The following RIT2 variants were observed in gnomAD, a reference collection of about 807,000 sequenced individuals.
RIT2 encodes the protein GTP-binding protein Rit2.
In RIT2, 24 loss-of-function variants were observed where a neutral mutation model predicts 23.7. The ratio of observed to expected loss-of-function variants is 1.01; its 90% CI spans 0.73 to 1.43. RIT2 has a LOEUF of 1.43. Ranked by LOEUF, RIT2 falls within the 40% of genes most tolerant of loss-of-function variation. The pLI, the probability that RIT2 is intolerant of heterozygous loss-of-function variation, is 0.00. For synonymous variants in RIT2, 107 were observed against 91.1 expected, an observed-to-expected ratio of 1.17 and a Z score of -0.99; for missense variants, 236 against 266.9, an observed-to-expected ratio of 0.88 and a Z score of 0.81.
At chr18:43,105,827 T>C (rs1040854714) in intron 1 of RIT2, among the ~76,000 whole-genome samples, 1 of 152,202 alleles carries the variant, frequency 6.6e-6, no homozygotes, top group Non-Finnish European at 1.5e-5. Context: ...ATTTTACAGA[T>C]GAGAAAAGAC....
intron 4 of RIT2, among the ~76,000 whole-genome samples, chr18:42,774,028 C>T (rs1436941442): frequency 6.6e-6 from 1 of 152,164 alleles, no homozygotes; most frequent in African/African-American, 2.4e-5. Context: ...ATGGAATTCA[C>T]AGTTTTACCA....
At chr18:42,994,361 C>G (rs1266465507) in intron 2 of RIT2, among the ~76,000 whole-genome samples, 1 of 152,172 alleles carries the variant, frequency 6.6e-6, no homozygotes, top group Non-Finnish European at 1.5e-5. Context: ...TCGTGTCCGA[C>G]TGATCTCTCA....
chr18:42,827,590 CAA>C, intron 4 of RIT2, among the ~76,000 whole-genome samples: 1 of 151,734 alleles, frequency 6.6e-6, no homozygotes, highest in East Asian at 1.9e-4. Context: ...AACTCACACA[CAA>C]ATCAGTAAGA....
intron 4 of RIT2, among the ~76,000 whole-genome samples, chr18:42,796,681 A>T (rs573278111): frequency 2.0e-4 from 30 of 152,196 alleles, no homozygotes; most frequent in Admixed American, 1.4e-3. Context: ...TGTATTTGGA[A>T]TTGAGCCCAC....
In RIT2 at chr18:43,077,621, T is replaced by C. The variant is rs1323538089; in HGVS notation, c.103+37796A>G. ...TAAGCACTAACTGGCTTTACGGCTA[T>C]GATGATTCATGTAACATCTTTCAAA... On this transcript the variant is annotated intron_variant, in intron 1 of 4. Coordinates refer to ENST00000326695, the MANE Select transcript of RIT2 (RefSeq NM_002930.4). Among the ~76,000 whole-genome samples the C allele has an allele frequency of 3.3e-5, 5 of 152,320 alleles. No homozygotes were observed. In the Middle Eastern group the frequency reaches 0.014, roughly 414 times the overall value.
chr18:43,064,083 C>A lies in RIT2; in HGVS notation c.104-30216G>T, dbSNP rs376655848. On this transcript the variant is annotated intron_variant, in intron 1 of 4. Transcript: ENST00000326695. Reference sequence around the variant, plus strand: ...AAACAAGATTTCATGGCTTCCTTAACATTTATTCAATAAGGTCTGATAAAG... The same window carrying A: ...AAACAAGATTTCATGGCTTCCTTAAAATTTATTCAATAAGGTCTGATAAAG... Among the ~76,000 whole-genome samples the A allele has an allele frequency of 7.2e-5, 11 of 152,280 alleles. No individual in the cohort carries two copies. The East Asian group carries it at 2.1e-3, about 29-fold the overall frequency.
intron 3 of RIT2, among the ~76,000 whole-genome samples, chr18:42,944,681 A>T (rs1470813266): frequency 2.0e-4 from 30 of 152,112 alleles, no homozygotes; most frequent in Non-Finnish European, 1.9e-4. Flanking sequence ...GTTGTTGTTG[A>T]TGATGATGTT....
At chr18:42,830,314 G>C (rs1465401178) in intron 4 of RIT2, among the ~76,000 whole-genome samples, 1 of 152,172 alleles carries the variant, frequency 6.6e-6, no homozygotes, top group Non-Finnish European at 1.5e-5. Context: ...ATTTGGTGTT[G>C]CCTGGTCTTC....
intron 3 of RIT2, among the ~76,000 whole-genome samples, chr18:42,927,453 G>C (rs966382231): frequency 6.6e-6 from 1 of 151,424 alleles, no homozygotes; most frequent in Non-Finnish European, 1.5e-5. Flanking sequence ...TCAGAGATTT[G>C]AGCAAAATCT....
intron 1 of RIT2, among the ~76,000 whole-genome samples, chr18:43,042,818 G>T (rs920969231): frequency 6.6e-6 from 1 of 152,138 alleles, no homozygotes; most frequent in South Asian, 2.1e-4. Context: ...CACAGTAATA[G>T]TATGTTTAAT....
At chr18:43,107,507 G>GCTTC (rs1177633098) in intron 1 of RIT2, among the ~76,000 whole-genome samples, 2 of 152,164 alleles carry the variant, frequency 1.3e-5, no homozygotes, top group African/African-American at 4.8e-5. Flanking sequence ...AAGAAAGTAT[G>GCTTC]CTTCCCTAAG....
chr18:43,083,356 C>T (rs901216038), intron 1 of RIT2, among the ~76,000 whole-genome samples: 1 of 152,172 alleles, frequency 6.6e-6, no homozygotes, highest in East Asian at 1.9e-4. Context: ...CATTGACTTT[C>T]TTCACAGAAT....
At chr18:43,025,678 C>G (rs984492580) in intron 2 of RIT2, among the ~76,000 whole-genome samples, 3 of 151,942 alleles carry the variant, frequency 2.0e-5, no homozygotes. Context: ...GAAATCATGT[C>G]TTCTGCAGCA....
chr18:42,986,528 G>C (rs921648191), intron 2 of RIT2, among the ~76,000 whole-genome samples: 4 of 150,998 alleles, frequency 2.6e-5, no homozygotes, highest in Non-Finnish European at 5.9e-5. Context: ...TTGAGATGGC[G>C]TCTTGCTTTG....
chr18:42,805,758 A>C (rs1306715588), intron 4 of RIT2, among the ~76,000 whole-genome samples: 1 of 152,096 alleles, frequency 6.6e-6, no homozygotes, highest in East Asian at 1.9e-4. Flanking sequence ...CTGCAAAGTC[A>C]GGATGCAGAT....
At chr18:43,036,688 C>A (rs1285730294) in intron 1 of RIT2, among the ~76,000 whole-genome samples, 1 of 152,120 alleles carries the variant, frequency 6.6e-6, no homozygotes, top group Admixed American at 6.6e-5. Context: ...AATCTTCTGA[C>A]CCACCGCTGA....
At chr18:42,828,019 A>G (rs1362004589) in intron 4 of RIT2, among the ~76,000 whole-genome samples, 1 of 151,192 alleles carries the variant, frequency 6.6e-6, no homozygotes, top group Non-Finnish European at 1.5e-5. Context: ...AAAAAAAAAA[A>G]AAAAAAAAGA....
chr18:42,844,658 C>A (rs567963579), intron 4 of RIT2, among the ~76,000 whole-genome samples: 1 of 151,418 alleles, frequency 6.6e-6, no homozygotes, highest in Admixed American at 6.6e-5. Flanking sequence ...ACAGGATAGG[C>A]AGGGCAGGGT....
chr18:43,045,450 C>T (rs755129930), intron 1 of RIT2, among the ~76,000 whole-genome samples: 5 of 152,150 alleles, frequency 3.3e-5, no homozygotes, highest in Non-Finnish European at 5.9e-5. Context: ...TTCAGATAAT[C>T]ATGTTAGTAA....
Sources: allele counts gnomAD v4.1 joint callset (sites outside exome capture counted in the v4.1 genomes callset), GRCh38; gene constraint gnomAD v4.1.1; transcripts MANE v1.5; gene names NCBI Gene and HGNC (gene_info 2026-07-23, HGNC 2026-07-21).